FBXO16: variants seen among roughly 807,000 people sequenced by gnomAD.
FBXO16 encodes F-box only protein 16.
Under a neutral mutation model 41.0 loss-of-function variants are expected in FBXO16, and 31 were observed. The observed-to-expected ratio is 0.76, with a 90% CI of 0.57 to 1.02. FBXO16 has a LOEUF of 1.02. Ranked by LOEUF, FBXO16 falls within the 50% of genes least tolerant of loss-of-function variation. FBXO16 has a pLI of 0.00. For missense variants in FBXO16, 361 were observed against 346.2 expected (o/e 1.04, Z -0.34); for synonymous variants, 133 against 117.8 (o/e 1.13, Z -0.84).
chr8:28,473,993 C>A (rs1305948227), intron 2 of FBXO16, among the ~76,000 whole-genome samples, 186 bp from the exon 3 acceptor site: 1 of 150,428 alleles, frequency 6.6e-6, no homozygotes, highest in South Asian at 2.1e-4. Context: ...CTTTTTTTTT[C>A]TTTCAGTTTC....
At chr8:28,440,104 A>G (rs921912422) in intron 7 of FBXO16, among the ~76,000 whole-genome samples, 1 of 77,348 alleles carries the variant, frequency 1.3e-5, no homozygotes, top group Non-Finnish European at 2.2e-5. Flanking sequence ...TTATTTTATT[A>G]CTATTATTAT....
chr8:28,447,353 G>C, intron 6 of FBXO16, 80 bp from the exon 7 acceptor site: 1 of 1,210,816 alleles, frequency 8.3e-7, no homozygotes, highest in Non-Finnish European at 1.2e-6. Flanking sequence ...TTGTCTGTTT[G>C]AGTTTGTTGT....
chr8:28,444,141 A>G (rs967808393), intron 7 of FBXO16, among the ~76,000 whole-genome samples: 4 of 152,264 alleles, frequency 2.6e-5, no homozygotes, highest in African/African-American at 7.2e-5. Flanking sequence ...AAATGAATAC[A>G]TGATTTTCTG....
intron 2 of FBXO16, 72 bp from the exon 3 acceptor site, chr8:28,473,879 C>T (rs981693106): frequency 8.9e-7 from 1 of 1,118,890 alleles, no homozygotes; most frequent in African/African-American, 1.6e-5. Context: ...AGAAAGATAC[C>T]ATTAAGGGAT....
At position 28,477,771 on chromosome 8, in the gene FBXO16, G is replaced by C. The variant is rs148791319; in HGVS notation, c.100-3964C>G. On this transcript the variant is annotated intron_variant, in intron 2 of 8. Transcript: ENST00000380254. The stretch of plus-strand genomic sequence containing the variant: ...TAGCTGGGCATGGTGGTTGACACCT[G>C]TAATCCCAGAGCTTTGGGAGGCTGA... Among the ~76,000 whole-genome samples, 6 of 152,292 alleles carry C rather than the reference G, an allele frequency of 3.9e-5. No individual in the cohort carries two copies. In the East Asian group the frequency reaches 1.2e-3, roughly 29 times the overall value.
At chr8:28,474,291 C>G (rs1803383349) in intron 2 of FBXO16, among the ~76,000 whole-genome samples, 1 of 99,916 alleles carries the variant, frequency 1.0e-5, no homozygotes, top group Non-Finnish European at 1.9e-5. Context: ...GTACTTCTAA[C>G]CTGGGTAACA....
chr8:28,457,096 T>C (rs1466292871), intron 4 of FBXO16, among the ~76,000 whole-genome samples, 166 bp from the exon 5 acceptor site: 1 of 152,238 alleles, frequency 6.6e-6, no homozygotes, highest in Non-Finnish European at 1.5e-5. Flanking sequence ...AAGTGTTTCC[T>C]ACCCAGGCAG....
intron 1 of FBXO16, among the ~76,000 whole-genome samples, chr8:28,485,292 C>T (rs1291619510): frequency 6.6e-6 from 1 of 152,150 alleles, no homozygotes; most frequent in East Asian, 1.9e-4. Context: ...CCTGGCTTAG[C>T]CTCCCGAGTA....
Position 28,439,974 on chromosome 8 carries a change from ATT to A in FBXO16, c.843+7195_843+7196del, listed in dbSNP as rs34129347. Among the ~76,000 whole-genome samples, 147 of 148,866 alleles carry A rather than the reference ATT, an allele frequency of 9.9e-4. 1 individual carries two copies. The highest frequency in any genetic ancestry group is 3.3e-3 in the Admixed American group (50 of 14,978). On this transcript the variant is annotated intron_variant, in intron 7 of 8. Transcript: ENST00000380254. ...AAATTAGGATTCATGAATGTAACGG[ATT>A]TTTTTTTTTTTGTATTCTGCATAAA...
At chr8:28,451,393 T>C (rs950400517) in intron 6 of FBXO16, among the ~76,000 whole-genome samples, 1 of 151,050 alleles carries the variant, frequency 6.6e-6, no homozygotes, top group Non-Finnish European at 1.5e-5. Context: ...TTTTTTTTTT[T>C]TGTTTTTTGT....
intron 7 of FBXO16, among the ~76,000 whole-genome samples, chr8:28,431,559 C>T (rs1191559522): frequency 6.6e-6 from 1 of 152,206 alleles, no homozygotes; most frequent in Non-Finnish European, 1.5e-5. Flanking sequence ...CTGATCTTTT[C>T]CCTTGGCTGT....
intron 3 of FBXO16, among the ~76,000 whole-genome samples, chr8:28,464,254 A>C (rs1171523035): frequency 6.6e-6 from 1 of 152,212 alleles, no homozygotes; most frequent in Non-Finnish European, 1.5e-5. Context: ...ATTACAAGCA[A>C]ATATCCCTCA....
At chr8:28,466,008 G>A (rs553935934) in intron 3 of FBXO16, among the ~76,000 whole-genome samples, 181 of 152,228 alleles carry the variant, frequency 1.2e-3, no homozygotes, top group African/African-American at 4.2e-3. Context: ...GGGAGGCCGA[G>A]GCCGGTGGAT....
At chr8:28,485,328 AC>A (rs1803585452) in intron 1 of FBXO16, among the ~76,000 whole-genome samples, 1 of 152,062 alleles carries the variant, frequency 6.6e-6, no homozygotes, top group Admixed American at 6.6e-5. Flanking sequence ...ACCTGCCACC[AC>A]GACTGGCTAA....
chr8:28,466,360 G>A (rs1016597635), intron 3 of FBXO16, among the ~76,000 whole-genome samples: 37 of 152,128 alleles, frequency 2.4e-4, no homozygotes, highest in Admixed American at 1.5e-3. Flanking sequence ...CACTGCAGTG[G>A]GGAGGAGGAG....
chr8:28,467,810 A>C (rs1803269299), intron 3 of FBXO16, among the ~76,000 whole-genome samples: 1 of 152,218 alleles, frequency 6.6e-6, no homozygotes, highest in Non-Finnish European at 1.5e-5. Flanking sequence ...CCAGCGATTA[A>C]AAAGATAATT....
Position 28,456,818 on chromosome 8 carries a change from C to T in FBXO16, c.455G>A (p.Trp152Ter). The T allele has an allele frequency of 6.2e-7, 1 of 1,614,078 alleles. No homozygotes were observed. The highest frequency in any genetic ancestry group is 8.5e-7 in the Non-Finnish European group (1 of 1,180,018). The change falls in exon 5 of 9, where the codon TGG (tryptophan) becomes TAG (stop). Residue 152 changes from tryptophan (W) to a stop codon, truncating the protein, a stop_gained. Transcript: ENST00000380254. LOFTEE classifies it high-confidence loss of function. ...FSPTPFEQGI[W>*]KKHYIQMVKE... The stretch of plus-strand genomic sequence containing the variant: ...CACCATTTGAATATAGTGCTTCTTC[C>T]AGATCCCCTGCTCAAAGGGAGTTGG...
intron 2 of FBXO16, among the ~76,000 whole-genome samples, chr8:28,477,334 C>T (rs941952951): frequency 1.3e-5 from 2 of 152,100 alleles, no homozygotes; most frequent in Non-Finnish European, 2.9e-5. Flanking sequence ...GTATGGAAGC[C>T]CCTTGAAATT....
At chr8:28,446,729 G>A (rs1802870058) in intron 7 of FBXO16, among the ~76,000 whole-genome samples, 1 of 151,848 alleles carries the variant, frequency 6.6e-6, no homozygotes, top group Admixed American at 6.6e-5. Context: ...AAAATTAGCT[G>A]GGCATGGTGG....
Sources: allele counts gnomAD v4.1 joint callset (sites outside exome capture counted in the v4.1 genomes callset), GRCh38; gene constraint gnomAD v4.1.1; transcripts MANE v1.5; gene names NCBI Gene and HGNC (gene_info 2026-07-23, HGNC 2026-07-21).